GPC5: variants seen among roughly 807,000 people sequenced by gnomAD.
GPC5 encodes the protein glypican-5.
A neutral mutation model predicts 53.9 loss-of-function variants in GPC5; 47 were observed. The ratio of observed to expected loss-of-function variants is 0.87; its 90% CI spans 0.69 to 1.11. GPC5 has a LOEUF of 1.11. Ranked by LOEUF, GPC5 falls within the 50% of genes most tolerant of loss-of-function variation. The pLI, the probability that GPC5 is intolerant of heterozygous loss-of-function variation, is 0.00. For missense variants in GPC5, 748 were observed against 713.1 expected, an observed-to-expected ratio of 1.05 and a Z score of -0.56; for synonymous variants, 286 against 263.3, an observed-to-expected ratio of 1.09 and a Z score of -0.84.
intron 7 of GPC5, among the ~76,000 whole-genome samples, chr13:92,440,831 G>A (rs1209748998): frequency 3.9e-5 from 6 of 151,988 alleles, no homozygotes; most frequent in African/African-American, 1.2e-4. Flanking sequence ...TTCGATTTGC[G>A]TTTCTCTGAT....
chr13:91,590,202 A>C (rs1224657349), intron 2 of GPC5, among the ~76,000 whole-genome samples: 1 of 151,808 alleles, frequency 6.6e-6, no homozygotes, highest in Admixed American at 6.6e-5. Context: ...AACATGGATT[A>C]TCAAATTACC....
At chr13:91,833,976 A>G (rs1043890168) in intron 5 of GPC5, among the ~76,000 whole-genome samples, 13 of 152,178 alleles carry the variant, frequency 8.5e-5, no homozygotes, top group Non-Finnish European at 1.8e-4. Flanking sequence ...AGATGTCATG[A>G]GTGTATATTT....
intron 7 of GPC5, among the ~76,000 whole-genome samples, chr13:92,235,137 C>T (rs1002068558): frequency 2.0e-5 from 3 of 152,050 alleles, no homozygotes; most frequent in Non-Finnish European, 2.9e-5. Flanking sequence ...TTTTTACCCT[C>T]GGCTTTATAT....
intron 7 of GPC5, among the ~76,000 whole-genome samples, chr13:92,631,499 A>G (rs1281271878): frequency 6.6e-6 from 1 of 152,132 alleles, no homozygotes; most frequent in African/African-American, 2.4e-5. Context: ...ATTCCTAAAT[A>G]TTTTGGCCAT....
chr13:91,505,547 G>A (rs1884894925), intron 2 of GPC5, among the ~76,000 whole-genome samples: 1 of 152,180 alleles, frequency 6.6e-6, no homozygotes, highest in African/African-American at 2.4e-5. Flanking sequence ...TGTCATGTCA[G>A]TCAAGATGTG....
At chr13:92,242,855 C>T (rs967461805) in intron 7 of GPC5, among the ~76,000 whole-genome samples, 2 of 152,074 alleles carry the variant, frequency 1.3e-5, no homozygotes, top group South Asian at 4.1e-4. Flanking sequence ...GTCCTTATAG[C>T]CAACAATCTG....
At chr13:92,202,285 TA>T (rs1294437910) in intron 7 of GPC5, among the ~76,000 whole-genome samples, 1 of 152,212 alleles carries the variant, frequency 6.6e-6, no homozygotes, top group East Asian at 1.9e-4. Context: ...CCAGTTGAGA[TA>T]GATTTAGCAT....
intron 5 of GPC5, among the ~76,000 whole-genome samples, chr13:91,774,389 G>A (rs1052985903): frequency 6.6e-5 from 10 of 152,054 alleles, no homozygotes; most frequent in Admixed American, 5.9e-4. Context: ...TCTTTATTGG[G>A]TGCCTACTGT....
At chr13:91,646,897 T>C (rs2034570843) in intron 2 of GPC5, among the ~76,000 whole-genome samples, 1 of 152,136 alleles carries the variant, frequency 6.6e-6, no homozygotes, top group African/African-American at 2.4e-5. Context: ...TTAGGAAGCT[T>C]CTGTAATTCA....
At chr13:92,238,781 C>CTT (rs71120078) in intron 7 of GPC5, among the ~76,000 whole-genome samples, 4,459 of 151,624 alleles carry the variant, frequency 0.029, 233 homozygotes, top group African/African-American at 0.1. Flanking sequence ...TTCAATTTAT[C>CTT]TTTTTTTATT....
intron 3 of GPC5, among the ~76,000 whole-genome samples, chr13:91,725,799 T>G (rs546978502): frequency 6.6e-6 from 1 of 152,306 alleles, no homozygotes; most frequent in African/African-American, 2.4e-5. Context: ...AAGATTTCTC[T>G]GAACTCATAA....
intron 7 of GPC5, among the ~76,000 whole-genome samples, chr13:92,653,988 AC>A (rs1450311484): frequency 2.6e-4 from 40 of 152,352 alleles, no homozygotes; most frequent in African/African-American, 9.6e-4. Flanking sequence ...AGAGAGCCTG[AC>A]TTTTATCCTT....
At chr13:91,973,706 G>C (rs2040267483) in intron 6 of GPC5, among the ~76,000 whole-genome samples, 1 of 152,290 alleles carries the variant, frequency 6.6e-6, no homozygotes, top group South Asian at 2.1e-4. Flanking sequence ...TCAGCTGCAG[G>C]TCTGTTGGAG....
chr13:91,539,255 G>T (rs916674144), intron 2 of GPC5, among the ~76,000 whole-genome samples: 1 of 152,134 alleles, frequency 6.6e-6, no homozygotes, highest in South Asian at 2.1e-4. Flanking sequence ...TTTGTGTGTG[G>T]GGGGCAGTGA....
intron 7 of GPC5, chr13:92,240,625 TC>T (rs1488539590): frequency 6.6e-6 from 1 of 152,240 alleles, no homozygotes; most frequent in African/African-American, 2.4e-5. Flanking sequence ...TGCCTCAGCC[TC>T]CCGAGTAGCT....
chr13:92,772,881 A>G (rs1458506115), intron 7 of GPC5, among the ~76,000 whole-genome samples: 1 of 152,188 alleles, frequency 6.6e-6, no homozygotes, highest in African/African-American at 2.4e-5. Context: ...TCAAAGATAT[A>G]TATTTCACAT....
At chr13:91,782,537 G>A (rs1360370488) in intron 5 of GPC5, among the ~76,000 whole-genome samples, 1 of 152,070 alleles carries the variant, frequency 6.6e-6, no homozygotes, top group East Asian at 1.9e-4. Flanking sequence ...CATGAGAATA[G>A]CATGGGGGAA....
At chr13:91,581,771 T>A (rs2032369481) in intron 2 of GPC5, among the ~76,000 whole-genome samples, 1 of 151,824 alleles carries the variant, frequency 6.6e-6, no homozygotes, top group Non-Finnish European at 1.5e-5. Flanking sequence ...CTGAAGAAAA[T>A]TTTAAAATTT....
chr13:91,820,846 A>C (rs7336962), intron 5 of GPC5, among the ~76,000 whole-genome samples: 35 of 151,876 alleles, frequency 2.3e-4, no homozygotes, highest in African/African-American at 7.3e-4. Flanking sequence ...GCCTGTAGTC[A>C]CAGCTACTCG....
Sources: allele counts gnomAD v4.1 joint callset (sites outside exome capture counted in the v4.1 genomes callset), GRCh38; gene constraint gnomAD v4.1.1; transcripts MANE v1.5; gene names NCBI Gene and HGNC (gene_info 2026-07-23, HGNC 2026-07-21).